Variants in GRIA4 observed in about 807,000 individuals in gnomAD.
GRIA4 encodes the protein glutamate receptor 4.
Under a neutral mutation model 104.0 loss-of-function variants are expected in GRIA4, and 34 were observed. The observed-to-expected ratio is 0.33, with a 90% confidence interval of 0.25 to 0.44. The LOEUF (loss-of-function observed/expected upper bound fraction) is 0.44, where lower values mean the gene tolerates loss of function less well. GRIA4 is among the 20% of genes least tolerant of loss of function. The pLI, the probability that GRIA4 is intolerant of heterozygous loss-of-function variation, is 1.00. For synonymous variants in GRIA4, 386 were observed against 381.9 expected (o/e 1.01, Z -0.13); for missense variants, 750 against 1,096.5 (o/e 0.68, Z 4.46).
chr11:105,832,374 C>G (rs549028846), intron 4 of GRIA4, among the ~76,000 whole-genome samples: 18 of 151,636 alleles, frequency 1.2e-4, no homozygotes, highest in Admixed American at 9.9e-4. Flanking sequence ...GGAAAAGCTG[C>G]TTTTTCCTTC....
chr11:105,647,589 T>TA (rs1951564499), intron 3 of GRIA4, among the ~76,000 whole-genome samples: 1 of 152,090 alleles, frequency 6.6e-6, no homozygotes, highest in Admixed American at 6.6e-5. Flanking sequence ...GTGGTGCACA[T>TA]ACACCATGGA....
intron 3 of GRIA4, among the ~76,000 whole-genome samples, chr11:105,747,861 CAAT>C (rs552963567): frequency 4.8e-4 from 73 of 152,152 alleles, no homozygotes; most frequent in African/African-American, 1.7e-3. Context: ...CCAAAATGCT[CAAT>C]ATTAAGCTCA....
chr11:105,961,019 G>A (rs1000302039), intron 14 of GRIA4, among the ~76,000 whole-genome samples: 2 of 152,174 alleles, frequency 1.3e-5, no homozygotes, highest in South Asian at 2.1e-4. Context: ...GTTTTTTTCC[G>A]ATGGAAGCCT....
chr11:105,692,726 A>C (rs1953133761), intron 3 of GRIA4, among the ~76,000 whole-genome samples: 1 of 152,250 alleles, frequency 6.6e-6, no homozygotes, highest in Non-Finnish European at 1.5e-5. Flanking sequence ...CGTGAATCGC[A>C]ATCAGGCAAA....
intron 4 of GRIA4, among the ~76,000 whole-genome samples, chr11:105,839,444 C>CT (rs5794431): frequency 0.94 from 131,424 of 140,308 alleles, 61,719 homozygotes; most frequent in Non-Finnish European, 0.98. Context: ...CAGTGACTTC[C>CT]TTTTTTTTTT....
intron 14 of GRIA4, among the ~76,000 whole-genome samples, chr11:105,950,733 G>T (rs1948435803): frequency 6.6e-6 from 1 of 152,064 alleles, no homozygotes; most frequent in South Asian, 2.1e-4. Flanking sequence ...TCAGCTCAAG[G>T]AGTATTTAGC....
intron 3 of GRIA4, among the ~76,000 whole-genome samples, chr11:105,711,490 G>T (rs887661536): frequency 2.0e-5 from 3 of 152,038 alleles, no homozygotes; most frequent in African/African-American, 7.2e-5. Context: ...CTGTGTCTGA[G>T]TTTGTTCAAA....
chr11:105,726,948 T>A (rs1048724309), intron 3 of GRIA4, among the ~76,000 whole-genome samples: 1 of 151,894 alleles, frequency 6.6e-6, no homozygotes, highest in Non-Finnish European at 1.5e-5. Context: ...CAAAAAGGCT[T>A]AAAATGCCAA....
chr11:105,834,757 A>G (rs530162374), intron 4 of GRIA4, among the ~76,000 whole-genome samples: 2 of 148,304 alleles, frequency 1.3e-5, no homozygotes, highest in African/African-American at 2.5e-5. Flanking sequence ...GCATGAGCCA[A>G]TAAGTTCAGT....
chr11:105,749,549 A>G (rs968063885), intron 3 of GRIA4, among the ~76,000 whole-genome samples: 4 of 152,202 alleles, frequency 2.6e-5, no homozygotes, highest in African/African-American at 9.7e-5. Flanking sequence ...TTGATGTCCC[A>G]TAACTTGAGA....
intron 3 of GRIA4, among the ~76,000 whole-genome samples, chr11:105,653,629 C>A (rs1416241492): frequency 1.3e-5 from 2 of 152,092 alleles, no homozygotes; most frequent in Admixed American, 6.6e-5. Context: ...TACTGGCCAA[C>A]CAATAAGGTT....
intron 14 of GRIA4, among the ~76,000 whole-genome samples, chr11:105,960,811 GCA>G (rs1428433698): frequency 2.6e-5 from 4 of 152,216 alleles, no homozygotes; most frequent in Admixed American, 6.5e-5. Context: ...ATGGGAAAAA[GCA>G]CAGTTTCCCC....
chr11:105,621,156 T>C (rs1006468838), intron 3 of GRIA4, among the ~76,000 whole-genome samples: 1 of 151,888 alleles, frequency 6.6e-6, no homozygotes, highest in African/African-American at 2.4e-5. Context: ...CTATAAGCTA[T>C]AATCACTATT....
chr11:105,754,002 T>C (rs1310932199), intron 4 of GRIA4, among the ~76,000 whole-genome samples: 2 of 152,136 alleles, frequency 1.3e-5, no homozygotes, highest in Non-Finnish European at 1.5e-5. Flanking sequence ...AGCTACATTA[T>C]GTAGGCATAA....
chr11:105,849,988 T>G (rs536487508), intron 4 of GRIA4, among the ~76,000 whole-genome samples: 10 of 152,330 alleles, frequency 6.6e-5, no homozygotes, highest in South Asian at 2.1e-4. Context: ...TGCCCAAATA[T>G]GTATAACAAT....
chr11:105,969,380 G>A (rs548489009), intron 14 of GRIA4, among the ~76,000 whole-genome samples: 1 of 152,282 alleles, frequency 6.6e-6, no homozygotes, highest in South Asian at 2.1e-4. Flanking sequence ...TGTTCTGATA[G>A]TCCACCAGTT....
chr11:105,620,768 A>T (rs1950723346), intron 3 of GRIA4, among the ~76,000 whole-genome samples: 2 of 151,916 alleles, frequency 1.3e-5, no homozygotes, highest in Admixed American at 1.3e-4. Flanking sequence ...ACAGTGTTGG[A>T]TGCTTCATTA....
At chr11:105,761,565 T>C (rs934744311) in intron 4 of GRIA4, among the ~76,000 whole-genome samples, 6 of 152,088 alleles carry the variant, frequency 3.9e-5, no homozygotes, top group African/African-American at 1.4e-4. Flanking sequence ...ACTGCCTCTG[T>C]CAACTCAACT....
chr11:105,779,426 T>C (rs1309073102), intron 4 of GRIA4, among the ~76,000 whole-genome samples: 1 of 151,872 alleles, frequency 6.6e-6, no homozygotes, highest in Non-Finnish European at 1.5e-5. Context: ...CTTCACAGAA[T>C]TGGAAAAAAC....
Sources: gnomAD v4.1 joint callset for allele counts (sites outside exome capture counted in the v4.1 genomes callset) on GRCh38, gnomAD v4.1.1 for gene constraint, MANE v1.5 for transcripts, NCBI Gene and HGNC (gene_info 2026-07-23, HGNC 2026-07-21) for gene names.